Variants in NDUFAF6 observed in about 807,000 individuals in gnomAD.
NDUFAF6 encodes NADH:ubiquinone oxidoreductase complex assembly factor 6.
Under a neutral mutation model 40.8 loss-of-function variants are expected in NDUFAF6, and 45 were observed. The ratio of observed to expected loss-of-function variants is 1.10; its 90% confidence interval spans 0.87 to 1.42. The LOEUF (loss-of-function observed/expected upper bound fraction) is 1.42, where lower values mean the gene tolerates loss of function less well. NDUFAF6 is among the 40% of genes most tolerant of loss of function. The probability of loss-of-function intolerance (pLI) is 0.00; values close to 1 mark genes in which losing one functional copy is unlikely to be tolerated. For synonymous variants in NDUFAF6, 185 were observed against 155.9 expected, an observed-to-expected ratio of 1.19 and a Z score of -1.39; for missense variants, 435 against 418.5, an observed-to-expected ratio of 1.04 and a Z score of -0.34.
chr8:95,107,653 A>T (rs1019406235), downstream of NDUFAF6, among the ~76,000 whole-genome samples: 2 of 152,188 alleles, frequency 1.3e-5, no homozygotes, highest in African/African-American at 4.8e-5. Flanking sequence ...TACTCTGAAA[A>T]GGTGAATTTT....
At chr8:95,115,452 A>G (rs1465240829) in intron 4 of NDUFAF6, 5 of 152,030 alleles carry the variant, frequency 3.3e-5, no homozygotes, top group Non-Finnish European at 7.4e-5. Context: ...TGAGAAGATG[A>G]CAGAGTTATA....
At chr8:95,114,428 G>C (rs1415287276) in intron 4 of NDUFAF6, among the ~76,000 whole-genome samples, 1 of 152,194 alleles carries the variant, frequency 6.6e-6, no homozygotes, top group Non-Finnish European at 1.5e-5. Context: ...TGATTTCCCC[G>C]CTTATACCAA....
chr8:94,930,495 C>T lies in NDUFAF6; in HGVS notation c.-935-14988C>T, dbSNP rs777588834. On this transcript the variant is annotated intron_variant, in intron 1 of 14. Transcript: ENST00000396113. The stretch of plus-strand genomic sequence containing the variant: ...TTGAAACTATTAGTAATTGTACTGA[C>T]GCGGGCAGGGCTGATGAACAACCCA... The T allele has an allele frequency of 1.2e-5, 19 of 1,614,080 alleles. No homozygotes were observed. The East Asian group carries it at 2.2e-4, about 19-fold the overall frequency.
upstream of NDUFAF6, among the ~76,000 whole-genome samples, chr8:95,021,002 G>A (rs1827671438): frequency 1.3e-5 from 2 of 152,184 alleles, no homozygotes; most frequent in Non-Finnish European, 2.9e-5. Context: ...CAAACTTAGA[G>A]CTCTCCTCCT....
intron 1 of NDUFAF6, chr8:94,930,379 T>C (rs975988188): frequency 2.5e-5 from 37 of 1,488,644 alleles, no homozygotes; most frequent in Non-Finnish European, 3.4e-5. Flanking sequence ...TGATTGGTTA[T>C]CAATTGGTTG....
chr8:94,999,750 C>G (rs780588688), intron 2 of NDUFAF6, among the ~76,000 whole-genome samples: 3 of 151,974 alleles, frequency 2.0e-5, no homozygotes, highest in African/African-American at 7.2e-5. Flanking sequence ...CTAGTCATAA[C>G]TTTCTACATT....
intron 1 of NDUFAF6, among the ~76,000 whole-genome samples, chr8:94,968,357 A>G (rs1437138438): frequency 6.6e-6 from 1 of 152,218 alleles, no homozygotes; most frequent in Admixed American, 6.5e-5. Context: ...ACAAACGTGT[A>G]TCATATGTCA....
At chr8:95,034,589 T>G (rs959897579) in intron 2 of NDUFAF6, 1 of 152,822 alleles carries the variant, frequency 6.5e-6, no homozygotes, top group African/African-American at 2.4e-5. Context: ...ATTAAAATGT[T>G]TCTCATTTGG....
chr8:95,098,915 C>T (rs1809561850), upstream of NDUFAF6, among the ~76,000 whole-genome samples: 2 of 152,070 alleles, frequency 1.3e-5, no homozygotes. Context: ...GAGTAAGACT[C>T]TGTCTCAAAA....
At position 95,008,646 on chromosome 8, in the gene NDUFAF6, A is replaced by G. The variant is rs554541347; in HGVS notation, c.-83-23349A>G. Among the ~76,000 whole-genome samples the G allele has an allele frequency of 4.6e-5, 7 of 152,244 alleles. No homozygotes were observed. In the South Asian group the frequency reaches 1.5e-3, roughly 32 times the overall value. ...CTCAGCCTCTCGAGTAGCCAGGATT[A>G]CAGGCACGTGCCACTACGCCCGGGT... On this transcript the variant is annotated intron_variant, in intron 2 of 9. Transcript: ENST00000396111.
intron 4 of NDUFAF6, chr8:95,115,529 T>C (rs1026599513): frequency 1.3e-5 from 2 of 152,090 alleles, no homozygotes; most frequent in African/African-American, 4.8e-5. Context: ...CTTTTTTTTT[T>C]TTTCAGTCCT....
At chr8:95,047,264 T>G in intron 6 of NDUFAF6, 137 bp downstream of exon 6, 2 of 1,222,492 alleles carry the variant, frequency 1.6e-6, no homozygotes, top group Non-Finnish European at 2.3e-6. Flanking sequence ...ATGGCCTTCC[T>G]CTTTTTATCC....
intron 2 of NDUFAF6, chr8:94,981,085 A>G: frequency 2.4e-6 from 1 of 416,424 alleles, no homozygotes; most frequent in South Asian, 1.8e-5. Flanking sequence ...ACTCACGTTG[A>G]GGCTTGGACT....
chr8:95,050,227 G>T (rs1831275515), intron 7 of NDUFAF6, among the ~76,000 whole-genome samples: 1 of 152,200 alleles, frequency 6.6e-6, no homozygotes, highest in Non-Finnish European at 1.5e-5. Context: ...ACTCCCTGGA[G>T]ACTGGGGTAG....
At chr8:95,118,242 G>A (rs1587293493), downstream of NDUFAF6, among the ~76,000 whole-genome samples, 1 of 152,356 alleles carries the variant, frequency 6.6e-6, no homozygotes, top group East Asian at 1.9e-4. Context: ...AAGAGACCAA[G>A]ATGGGATTCA....
At chr8:94,916,304 G>A (rs1231805861) in intron 1 of NDUFAF6, among the ~76,000 whole-genome samples, 1 of 152,124 alleles carries the variant, frequency 6.6e-6, no homozygotes, top group East Asian at 1.9e-4. Context: ...TTGTCCCATG[G>A]GATTAGTGCC....
At position 94,924,211 on chromosome 8, in the gene NDUFAF6, G is replaced by A. The variant is rs936746355; in HGVS notation, c.-935-21272G>A. Among the ~76,000 whole-genome samples the A allele has an allele frequency of 3.9e-5, 6 of 151,956 alleles. No homozygotes were observed. The South Asian group carries it at 8.3e-4, about 21-fold the overall frequency. On this transcript the variant is annotated intron_variant, in intron 1 of 14. Transcript: ENST00000396113. ...GAGTAGCTGGGATTAACAGGGGCAC[G>A]CCACCACGCCCGTCTAATTTTTGTA... is the stretch of plus-strand genomic sequence containing the variant.
At chr8:95,054,305 G>A (rs906142627) in intron 8 of NDUFAF6, among the ~76,000 whole-genome samples, 8 of 151,794 alleles carry the variant, frequency 5.3e-5, no homozygotes, top group African/African-American at 1.7e-4. Context: ...ATAGACCAAT[G>A]GTTCCCAAAA....
rs547301224 is a variant in NDUFAF6 at position 95,039,351 on chromosome 8, G to A, written c.421-2219G>A. Among the ~76,000 whole-genome samples the A allele has an allele frequency of 6.2e-4, 94 of 152,008 alleles. 1 individual carries two copies. Among genetic ancestry groups the A allele is most frequent in the Non-Finnish European group, 1.3e-4 (9 of 67,964 alleles). ...GCCTGTAGTCCCAGTTACTCGGGAG[G>A]CTGAGGCAGGAGAATCGCTTGAACC... On this transcript the variant is annotated intron_variant, in intron 3 of 8. Transcript: ENST00000396124.
Sources: gnomAD v4.1 joint callset for allele counts (sites outside exome capture counted in the v4.1 genomes callset) on GRCh38, gnomAD v4.1.1 for gene constraint, MANE v1.5 for transcripts, NCBI Gene and HGNC (gene_info 2026-07-23, HGNC 2026-07-21) for gene names.